The following ROBO2 variants were observed in gnomAD, a reference collection of about 807,000 sequenced individuals.
The protein encoded by ROBO2 is roundabout guidance receptor 2, also known as roundabout homolog 2.
ROBO2 carries 53 observed loss-of-function variants against 160.8 expected under a neutral mutation model. The ratio of observed to expected loss-of-function variants is 0.33; its 90% CI spans 0.26 to 0.41. The LOEUF is 0.41. Ranked by LOEUF, ROBO2 falls within the 10% of genes least tolerant of loss-of-function variation. The pLI, the probability that ROBO2 is intolerant of heterozygous loss-of-function variation, is 1.00. For synonymous variants in ROBO2, 664 were observed against 611.7 expected (o/e 1.09, Z -1.26); for missense variants, 1,577 against 1,722.4 (o/e 0.92, Z 1.49).
At chr3:76,157,578 G>C (rs1180875945) in intron 2 of ROBO2, among the ~76,000 whole-genome samples, 2 of 152,148 alleles carry the variant, frequency 1.3e-5, no homozygotes, top group Non-Finnish European at 1.5e-5. Context: ...TGTGAGAGAA[G>C]TGGTGGTTCT....
At chr3:76,381,700 T>C (rs761615722) in intron 2 of ROBO2, among the ~76,000 whole-genome samples, 4 of 152,218 alleles carry the variant, frequency 2.6e-5, no homozygotes, top group Non-Finnish European at 5.9e-5. Context: ...TACAATGCAA[T>C]ACCATTCTAA....
At chr3:76,830,754 A>ATCAT (rs1418801099) in intron 2 of ROBO2, among the ~76,000 whole-genome samples, 45 of 151,346 alleles carry the variant, frequency 3.0e-4, no homozygotes, top group Admixed American at 3.0e-3. Flanking sequence ...AGGCAGAAGA[A>ATCAT]TCGCTTGAGA....
At chr3:77,000,948 T>C (rs1275839778) in intron 2 of ROBO2, among the ~76,000 whole-genome samples, 1 of 152,108 alleles carries the variant, frequency 6.6e-6, no homozygotes, top group Non-Finnish European at 1.5e-5. Context: ...TGACATGACA[T>C]GCTATGAGTC....
chr3:77,108,172 A>G (rs926547114), intron 2 of ROBO2, among the ~76,000 whole-genome samples: 1 of 151,584 alleles, frequency 6.6e-6, no homozygotes, highest in African/African-American at 2.4e-5. Flanking sequence ...ATACATATGT[A>G]TACACATATG....
chr3:77,411,585 C>T (rs1412722756), intron 2 of ROBO2, among the ~76,000 whole-genome samples: 1 of 152,030 alleles, frequency 6.6e-6, no homozygotes, highest in Non-Finnish European at 1.5e-5. Context: ...GTAAAGTTAC[C>T]AACACACTTT....
chr3:76,341,272 C>T (rs947214883), intron 2 of ROBO2, among the ~76,000 whole-genome samples: 25 of 150,330 alleles, frequency 1.7e-4, no homozygotes, highest in African/African-American at 5.3e-4. Flanking sequence ...TTTCCTGCAG[C>T]GATACAGGTT....
At chr3:77,186,173 A>G (rs2081272103) in intron 2 of ROBO2, among the ~76,000 whole-genome samples, 1 of 151,540 alleles carries the variant, frequency 6.6e-6, no homozygotes, top group African/African-American at 2.4e-5. Context: ...CAAATAACCT[A>G]TGGAAATAAG....
intron 2 of ROBO2, among the ~76,000 whole-genome samples, chr3:76,063,079 T>C (rs1006417060): frequency 2.0e-5 from 3 of 152,226 alleles, no homozygotes; most frequent in Admixed American, 2.0e-4. Flanking sequence ...TTTTGTCACA[T>C]ATCAGCTCAT....
intron 24 of ROBO2, among the ~76,000 whole-genome samples, chr3:77,640,116 T>TTTTTTTTTTTTG (rs2095326884): frequency 7.6e-6 from 1 of 132,110 alleles, no homozygotes; most frequent in Admixed American, 7.8e-5. Context: ...TTTTTTTTTT[T>TTTTTTTTTTTTG]TTTTTTTTTT....
chr3:76,371,276 A>G (rs67091375), intron 2 of ROBO2, among the ~76,000 whole-genome samples: 28,633 of 151,896 alleles, frequency 0.19, 5,371 homozygotes, highest in East Asian at 0.44. Flanking sequence ...GTGTTTATTC[A>G]TGAATATTCT....
At chr3:76,268,285 G>A (rs1707218865) in intron 2 of ROBO2, among the ~76,000 whole-genome samples, 1 of 152,074 alleles carries the variant, frequency 6.6e-6, no homozygotes, top group African/African-American at 2.4e-5. Flanking sequence ...GGGAGGGGAG[G>A]GGAGGAGAGG....
At chr3:75,918,127 G>A (rs557796215) in intron 1 of ROBO2, among the ~76,000 whole-genome samples, 9 of 152,226 alleles carry the variant, frequency 5.9e-5, no homozygotes, top group East Asian at 3.9e-4. Context: ...GTCCTGAATC[G>A]TATTGCCTAG....
chr3:76,790,220 C>T (rs1241722951), intron 2 of ROBO2, among the ~76,000 whole-genome samples: 9 of 151,720 alleles, frequency 5.9e-5, no homozygotes, highest in Admixed American at 5.3e-4. Context: ...CTCTACATCT[C>T]CTCAGTAACC....
chr3:76,275,174 T>C (rs964949294), intron 2 of ROBO2, among the ~76,000 whole-genome samples: 2 of 152,304 alleles, frequency 1.3e-5, no homozygotes, highest in African/African-American at 2.4e-5. Context: ...TATTCAATAA[T>C]ATCAGGTGAA....
chr3:76,409,434 T>C (rs2075375543), intron 2 of ROBO2, among the ~76,000 whole-genome samples: 1 of 152,134 alleles, frequency 6.6e-6, no homozygotes, highest in Non-Finnish European at 1.5e-5. Context: ...TATTCCAAAA[T>C]GGCTCCCTCA....
intron 2 of ROBO2, among the ~76,000 whole-genome samples, chr3:76,757,607 T>TTA (rs200700408): frequency 2.4e-5 from 3 of 126,612 alleles, no homozygotes; most frequent in Non-Finnish European, 5.6e-5. Context: ...GAGTGGTTTA[T>TTA]TTTTTTTTTA....
At chr3:77,189,090 A>G (rs933184542) in intron 2 of ROBO2, among the ~76,000 whole-genome samples, 15 of 151,778 alleles carry the variant, frequency 9.9e-5, no homozygotes, top group Non-Finnish European at 2.2e-4. Context: ...ACTATTAAAA[A>G]ATGACTGAGA....
intron 2 of ROBO2, among the ~76,000 whole-genome samples, chr3:76,236,266 T>G (rs1395532965): frequency 3.3e-5 from 5 of 152,158 alleles, no homozygotes; most frequent in Admixed American, 3.3e-4. Flanking sequence ...TTACAAAGCA[T>G]GTTTTTAATC....
chr3:76,197,750 A>G (rs1204088199), intron 2 of ROBO2, among the ~76,000 whole-genome samples: 2 of 152,200 alleles, frequency 1.3e-5, no homozygotes, highest in Non-Finnish European at 2.9e-5. Context: ...GAAGTCATGT[A>G]GTAAGTGAAT....
Sources: allele counts gnomAD v4.1 joint callset (sites outside exome capture counted in the v4.1 genomes callset), GRCh38; gene constraint gnomAD v4.1.1; transcripts MANE v1.5; gene names NCBI Gene and HGNC (gene_info 2026-07-23, HGNC 2026-07-21).